Variants in ZNF705A observed in about 807,000 individuals in gnomAD.
ZNF705A encodes the protein zinc finger protein 705A.
ZNF705A carries 8 observed loss-of-function variants against 16.6 expected under a neutral mutation model. The ratio of observed to expected loss-of-function variants is 0.48; its 90% CI spans 0.28 to 0.87. ZNF705A has a LOEUF of 0.87. Ranked by LOEUF, ZNF705A falls within the 40% of genes least tolerant of loss-of-function variation. The pLI is 0.10. For synonymous variants in ZNF705A, 73 were observed against 117.3 expected (o/e 0.62, Z 2.44); for missense variants, 233 against 359.9 (o/e 0.65, Z 2.85).
intron 4 of ZNF705A, 53 bp downstream of exon 5, chr12:8,175,995 G>T (rs1948481705): frequency 6.2e-7 from 1 of 1,604,754 alleles, no homozygotes; most frequent in Non-Finnish European, 8.5e-7. Flanking sequence ...CATGGTAATG[G>T]GTTAAGTTAG....
intron 1 of ZNF705A, among the ~76,000 whole-genome samples, chr12:8,166,291 A>C (rs770211160): frequency 6.6e-6 from 1 of 152,174 alleles, no homozygotes; most frequent in Non-Finnish European, 1.5e-5. Context: ...TTTTCCATAC[A>C]TCTTTAGAGA....
At chr12:8,166,033 G>T (rs1298258635) in intron 1 of ZNF705A, among the ~76,000 whole-genome samples, 1 of 152,204 alleles carries the variant, frequency 6.6e-6, no homozygotes, top group Non-Finnish European at 1.5e-5. Flanking sequence ...ACAAGGGTCA[G>T]TCCCCATGGC....
upstream of ZNF705A, among the ~76,000 whole-genome samples, chr12:8,167,887 G>T (rs1194928707): frequency 1.3e-5 from 2 of 152,206 alleles, no homozygotes; most frequent in African/African-American, 2.4e-5. Context: ...AAATTCTCTT[G>T]GAAGAGACCC....
intron 2 of ZNF705A, 101 bp downstream of exon 3, chr12:8,174,553 C>T: frequency 1.3e-6 from 2 of 1,589,922 alleles, no homozygotes; most frequent in East Asian, 4.5e-5. Flanking sequence ...AATCTCTTCT[C>T]TGCTTCTCTC....
intron 1 of ZNF705A, among the ~76,000 whole-genome samples, chr12:8,166,618 T>G (rs143683409): frequency 2.8e-3 from 422 of 152,370 alleles, no homozygotes; most frequent in African/African-American, 9.7e-3. Flanking sequence ...TTTTGTAAAT[T>G]GCCCAGTCTC....
upstream of ZNF705A, among the ~76,000 whole-genome samples, chr12:8,170,146 G>A (rs1167557935): frequency 3.4e-5 from 5 of 146,738 alleles, no homozygotes; most frequent in South Asian, 2.1e-4. Context: ...CCGAGATCGC[G>A]CCACTGCACT....
intron 1 of ZNF705A, among the ~76,000 whole-genome samples, chr12:8,161,105 T>A (rs1020053520): frequency 4.6e-5 from 7 of 152,220 alleles, no homozygotes; most frequent in Non-Finnish European, 7.3e-5. Flanking sequence ...TGTTTCTAAT[T>A]CTGTTTATGT....
intron 4 of ZNF705A, among the ~76,000 whole-genome samples, 162 bp from the exon 6 acceptor site, chr12:8,176,837 G>A (rs1948487153): frequency 6.6e-6 from 1 of 152,182 alleles, no homozygotes; most frequent in South Asian, 2.1e-4. Flanking sequence ...GGTTAAATGA[G>A]TTTGGGGTCC....
chr12:8,158,111 A>C (rs1948324831), intron 1 of ZNF705A, among the ~76,000 whole-genome samples: 1 of 152,156 alleles, frequency 6.6e-6, no homozygotes, highest in Non-Finnish European at 1.5e-5. Context: ...AGCAGTTTTA[A>C]GACATGAATA....
upstream of ZNF705A, among the ~76,000 whole-genome samples, chr12:8,171,139 G>T (rs776694257): frequency 6.6e-6 from 1 of 152,156 alleles, no homozygotes; most frequent in South Asian, 2.1e-4. Context: ...TATTATGAGG[G>T]TTAAATAAGG....
exon 5 of ZNF705A, chr12:8,179,718 A>C (rs1296730571): frequency 6.6e-6 from 1 of 152,236 alleles, no homozygotes; most frequent in Non-Finnish European, 1.5e-5. Context: ...AACTGGTTGG[A>C]GAGGCAAGGA....
exon 5 of ZNF705A, chr12:8,178,971 C>T (rs1028762345): frequency 6.6e-6 from 1 of 152,216 alleles, no homozygotes; most frequent in African/African-American, 2.4e-5. Context: ...CTCGAGTTGA[C>T]ACACCAGGGA....
chr12:8,175,278 G>A (rs1236253753), exon 3 of ZNF705A: 1 of 1,597,288 alleles, frequency 6.3e-7, no homozygotes, highest in African/African-American at 1.3e-5. Flanking sequence ...GCAAGGAAAA[G>A]AGCTGTGGCG....
exon 5 of ZNF705A, chr12:8,177,304 C>T (rs758229033): frequency 2.5e-6 from 4 of 1,611,842 alleles, no homozygotes; most frequent in Non-Finnish European, 3.4e-6. Flanking sequence ...GTGGAAAAGC[C>T]TTCACTCAGT....
chr12:8,165,787 T>A (rs1948395093), intron 1 of ZNF705A, among the ~76,000 whole-genome samples: 1 of 152,176 alleles, frequency 6.6e-6, no homozygotes, highest in Admixed American at 6.5e-5. Flanking sequence ...TTTGGTTTTC[T>A]CTTCCTGCAT....
chr12:8,166,538 G>A (rs1234540273), intron 1 of ZNF705A, among the ~76,000 whole-genome samples: 1 of 152,196 alleles, frequency 6.6e-6, no homozygotes, highest in Admixed American at 6.5e-5. Flanking sequence ...CTGCTGTGAT[G>A]TAAGACATGC....
intron 1 of ZNF705A, among the ~76,000 whole-genome samples, chr12:8,167,387 C>G (rs185025080): frequency 2.1e-4 from 32 of 152,258 alleles, no homozygotes; most frequent in Middle Eastern, 6.8e-3. Flanking sequence ...GGGAGTGTCT[C>G]CAGAAGGAAG....
At chr12:8,166,591 C>T (rs758527534) in intron 1 of ZNF705A, among the ~76,000 whole-genome samples, 4 of 152,200 alleles carry the variant, frequency 2.6e-5, no homozygotes, top group Non-Finnish European at 4.4e-5. Flanking sequence ...AACTGTAAGT[C>T]CAATTAAACC....
intron 1 of ZNF705A, among the ~76,000 whole-genome samples, chr12:8,161,390 T>C: frequency 6.6e-6 from 1 of 152,178 alleles, no homozygotes; most frequent in Non-Finnish European, 1.5e-5. Context: ...ACCAGTTCTT[T>C]TTTGAATGTC....
Sources: gnomAD v4.1 joint callset for allele counts (sites outside exome capture counted in the v4.1 genomes callset) on GRCh38, gnomAD v4.1.1 for gene constraint, MANE v1.5 for transcripts, NCBI Gene and HGNC (gene_info 2026-07-23, HGNC 2026-07-21) for gene names.